The following LARGE1 variants were observed in gnomAD, a reference collection of about 807,000 sequenced individuals.
LARGE1 encodes the protein LARGE xylosyl- and glucuronyltransferase 1.
In LARGE1, 43 loss-of-function variants were observed where a neutral mutation model predicts 87.6. That is an observed-to-expected ratio of 0.49 (90% CI 0.38 to 0.63). LARGE1 has a LOEUF of 0.63. Among genes scored for constraint, LARGE1 ranks in the 30% least tolerant of loss-of-function variants. The pLI is 0.00. For missense variants in LARGE1, 802 were observed against 1,000.2 expected (o/e 0.80, Z 2.67); for synonymous variants, 434 against 394.6 (o/e 1.10, Z -1.18).
chr22:33,308,640 G>A (rs1935212083), intron 11 of LARGE1, among the ~76,000 whole-genome samples: 1 of 152,058 alleles, frequency 6.6e-6, no homozygotes, highest in African/African-American at 2.4e-5. Flanking sequence ...GCTTGTACCT[G>A]CCGCCATGTG....
intron 6 of LARGE1, among the ~76,000 whole-genome samples, chr22:33,534,261 G>A (rs1017665683): frequency 2.0e-5 from 3 of 152,186 alleles, no homozygotes; most frequent in Admixed American, 6.5e-5. Flanking sequence ...AAAATTAGCC[G>A]GGCGTGGTGG....
chr22:33,628,010 C>T lies in LARGE1; in HGVS notation c.409-1684G>A, dbSNP rs557786689. On this transcript the variant is annotated intron_variant, in intron 3 of 14. Coordinates refer to ENST00000397394, the MANE Select transcript of LARGE1 (RefSeq NM_133642.5). ...ATCACCCCACTCTGCTCTCAGCTCC[C>T]GTATGCACTCTACCCCCACATTCAA... 8.5e-5 allele frequency among the ~76,000 whole-genome samples: 13 copies of T among 152,232 alleles called. No homozygotes were observed. The East Asian group carries it at 2.3e-3, about 27-fold the overall frequency.
chr22:33,675,292 CAAAAAAA>C (rs71320987), intron 2 of LARGE1, among the ~76,000 whole-genome samples: 38 of 32,916 alleles, frequency 1.2e-3, no homozygotes, highest in East Asian at 2.6e-3. Context: ...GAAACTCCAT[CAAAAAAA>C]AAAAAAAAAA....
intron 11 of LARGE1, among the ~76,000 whole-genome samples, chr22:33,266,330 T>G (rs368543959): frequency 6.7e-6 from 1 of 150,070 alleles, no homozygotes; most frequent in African/African-American, 2.5e-5. Flanking sequence ...CAAGCGATTA[T>G]CCTGCCTCAG....
At chr22:33,835,841 G>A (rs1222450164) in intron 1 of LARGE1, among the ~76,000 whole-genome samples, 1 of 152,204 alleles carries the variant, frequency 6.6e-6, no homozygotes, top group African/African-American at 2.4e-5. Flanking sequence ...ACCAGAATGA[G>A]CAAAGTCACT....
At chr22:33,314,355 C>T (rs933041954) in intron 11 of LARGE1, among the ~76,000 whole-genome samples, 1 of 152,102 alleles carries the variant, frequency 6.6e-6, no homozygotes, top group Admixed American at 6.5e-5. Context: ...TTGCATGTGG[C>T]GGGACTCACA....
chr22:33,336,004 G>A (rs1938400283), intron 10 of LARGE1, among the ~76,000 whole-genome samples: 1 of 152,200 alleles, frequency 6.6e-6, no homozygotes, highest in Admixed American at 6.5e-5. Flanking sequence ...AATACTTAGT[G>A]TGCAGAATAA....
chr22:33,677,438 A>G (rs1343565096), intron 2 of LARGE1, among the ~76,000 whole-genome samples: 1 of 152,062 alleles, frequency 6.6e-6, no homozygotes, highest in Non-Finnish European at 1.5e-5. Context: ...GGAAATTACG[A>G]CAGTTATCTC....
chr22:33,598,323 G>T lies in LARGE1; in HGVS notation c.615+6112C>A, dbSNP rs562235490. On this transcript the variant is annotated intron_variant, in intron 5 of 14. Coordinates refer to ENST00000397394, the MANE Select transcript of LARGE1 (RefSeq NM_133642.5). ...ACAGGACCTAGTCCATAGAGGTGTT[G>T]TTGAGAAACAGACCATGAGAGAACC... Among the ~76,000 whole-genome samples the T allele has an allele frequency of 2.4e-3, 367 of 152,280 alleles. 2 individuals are homozygous for T. Among genetic ancestry groups the T allele is most frequent in the Non-Finnish European group, 4.1e-3 (280 of 68,034 alleles).
At chr22:33,079,372 C>G in the LARGE1 span, among the ~76,000 whole-genome samples, 15 of 151,520 alleles carry the variant, frequency 9.9e-5, no homozygotes, top group African/African-American at 3.4e-4. Context: ...GGACTACAGG[C>G]GCCCGCCACC....
At chr22:33,810,537 T>C (rs982554711) in intron 1 of LARGE1, among the ~76,000 whole-genome samples, 1 of 152,248 alleles carries the variant, frequency 6.6e-6, no homozygotes, top group Middle Eastern at 3.4e-3. Flanking sequence ...CTCTGGCCAA[T>C]GAAATACGAA....
intron 7 of LARGE1, among the ~76,000 whole-genome samples, chr22:33,425,389 G>A (rs2066842360): frequency 6.6e-6 from 1 of 152,208 alleles, no homozygotes; most frequent in African/African-American, 2.4e-5. Context: ...CCACACACTA[G>A]AATGGCTGGG....
chr22:33,100,064 G>A, the LARGE1 span, among the ~76,000 whole-genome samples: 2 of 152,192 alleles, frequency 1.3e-5, no homozygotes, highest in African/African-American at 4.8e-5. Flanking sequence ...GGCCAGTCGT[G>A]GTGGCTTATG....
rs1039461778 is a variant in LARGE1, at chr22:33,489,864, T to C, written c.788-57599A>G. On this transcript the variant is annotated intron_variant, in intron 6 of 14. Transcript: ENST00000397394. Reference sequence around the variant, plus strand: ...AAACACCACACTGCAGGCGCTCAGATGAATGGAAGTGCTAAGTGGACATGA... The same window carrying C: ...AAACACCACACTGCAGGCGCTCAGACGAATGGAAGTGCTAAGTGGACATGA... 3.3e-5 allele frequency among the ~76,000 whole-genome samples: 5 copies of C among 152,284 alleles called. No homozygotes were observed. In the South Asian group the frequency reaches 1.0e-3, roughly 32 times the overall value.
At chr22:33,818,004 T>C (rs538439751) in intron 1 of LARGE1, among the ~76,000 whole-genome samples, 1 of 152,112 alleles carries the variant, frequency 6.6e-6, no homozygotes, top group East Asian at 1.9e-4. Flanking sequence ...GGAAGGGCCT[T>C]TACAGGCAGA....
rs144578501 is a variant in LARGE1, at chr22:33,704,570, T to G, written c.107-53902A>C. Among the ~76,000 whole-genome samples the G allele has an allele frequency of 2.2e-3, 337 of 152,304 alleles. 2 individuals are homozygous for G. Among genetic ancestry groups the G allele is most frequent in the Non-Finnish European group, 3.5e-3 (238 of 68,026 alleles). On this transcript the variant is annotated intron_variant, in intron 2 of 14. Transcript: ENST00000397394. Reference sequence around the variant, plus strand: ...GAGCCTGATTCCCTGAGCACTACTGTTGCAAGGCACGACACTCATCAGTGA... The same window carrying G: ...GAGCCTGATTCCCTGAGCACTACTGGTGCAAGGCACGACACTCATCAGTGA...
the LARGE1 span, among the ~76,000 whole-genome samples, chr22:33,066,737 G>A: frequency 1.3e-5 from 2 of 152,112 alleles, no homozygotes; most frequent in African/African-American, 2.4e-5. Flanking sequence ...AGATCCATTC[G>A]GCTCAGCTAT....
chr22:33,636,870 C>G (rs1025103503), intron 3 of LARGE1, among the ~76,000 whole-genome samples: 1 of 152,104 alleles, frequency 6.6e-6, no homozygotes, highest in Non-Finnish European at 1.5e-5. Flanking sequence ...ACTGAGATGA[C>G]TCGCGTAAAG....
chr22:33,277,039 T>A, intron 14 of LARGE1, 21 bp downstream of exon 14: 1 of 1,612,768 alleles, frequency 6.2e-7, no homozygotes, highest in South Asian at 1.1e-5. Flanking sequence ...CCATACCAGG[T>A]GGATGCTCCG....
Sources: gnomAD v4.1 joint callset for allele counts (sites outside exome capture counted in the v4.1 genomes callset) on GRCh38, gnomAD v4.1.1 for gene constraint, MANE v1.5 for transcripts, NCBI Gene and HGNC (gene_info 2026-07-23, HGNC 2026-07-21) for gene names.